Variants in CYP11B2 observed in about 807,000 individuals in gnomAD.
CYP11B2 encodes the protein cytochrome P450 11B2, mitochondrial.
Under a neutral mutation model 49.3 loss-of-function variants are expected in CYP11B2, and 38 were observed. The ratio of observed to expected loss-of-function variants is 0.77; its 90% CI spans 0.59 to 1.01. The LOEUF (loss-of-function observed/expected upper bound fraction) is 1.01. Ranked by LOEUF, CYP11B2 falls within the 50% of genes least tolerant of loss-of-function variation. CYP11B2 has a pLI of 0.00. For synonymous variants in CYP11B2, 290 were observed against 269.3 expected, an observed-to-expected ratio of 1.08 and a Z score of -0.75; for missense variants, 669 against 655.5, an observed-to-expected ratio of 1.02 and a Z score of -0.23.
rs1563879441 is a variant in CYP11B2, at chr8:142,912,070, CT to C, written c.1421del (p.Glu474GlyfsTer3). 1.2e-6 allele frequency: 2 copies of C among 1,614,056 alleles called. No individual in the cohort carries two copies. The highest frequency in any genetic ancestry group is 1.7e-6 in the Non-Finnish European group (2 of 1,179,978). On this transcript the variant is annotated frameshift_variant, in exon 9 of 9. Transcript: ENST00000323110. LOFTEE classifies it low-confidence loss of function (END_TRUNC). ...LHHVLKHFLV[E>X]TLTQEDIKMV... ...TCTTTATGTCCTCTTGAGTTAGTGT[CT>C]CCACCAGGAAGTGCTTCAGCACCTA...
rs1026168746 is a variant in CYP11B2 at position 142,910,854 on chromosome 8, G to A, written c.*1126C>T. On this transcript the variant is annotated 3_prime_UTR_variant, in exon 9 of 9. Transcript: ENST00000323110. This position sits in a 1 kb window ranked among gnomAD's most constrained non-coding sequence, Gnocchi z 4.6. The stretch of plus-strand genomic sequence containing the variant: ...ACGCTCTGATCCTCATCAGCTACCA[G>A]GAGCTGGCTGCTGAGATCTTTGCCC... The A allele has an allele frequency of 2.6e-5, 4 of 152,244 alleles. No homozygotes were observed. Among genetic ancestry groups the A allele is most frequent in the Non-Finnish European group, 4.4e-5 (3 of 68,068 alleles). The allele number at this position is 152,244 out of a possible 1,614,324, so 9.4% of individuals were successfully genotyped here.
chr8:142,912,136 C>T (rs757078742), intron 8 of CYP11B2, 43 bp from the exon 9 acceptor site: 4 of 1,613,318 alleles, frequency 2.5e-6, no homozygotes, highest in Middle Eastern at 1.7e-4. Flanking sequence ...GTCAGTAGCC[C>T]ATGGACCTGG....
At chr8:142,916,293 T>C (rs1648261323) in intron 2 of CYP11B2, 2 of 401,902 alleles carry the variant, frequency 5.0e-6, no homozygotes, top group African/African-American at 4.1e-5. Flanking sequence ...GACCCACGGG[T>C]GCCCTTTTAC....
intron 5 of CYP11B2, chr8:142,913,836 G>A (rs1363734505): frequency 1.3e-5 from 6 of 459,696 alleles, no homozygotes; most frequent in Admixed American, 7.6e-5. Flanking sequence ...CTGTGCTGCT[G>A]TCTTCCCCAC....
At chr8:142,913,490 G>C (rs1236402394) in intron 5 of CYP11B2, 39 bp from the exon 6 acceptor site, 1 of 1,613,568 alleles carries the variant, frequency 6.2e-7, no homozygotes, top group Non-Finnish European at 8.5e-7. Flanking sequence ...CCTTGCACAG[G>C]AGGACTCAGC....
rs5315 is a variant in CYP11B2, at chr8:142,912,720, A to G, written c.1208T>C (p.Val403Ala). The part of the protein sequence containing the change: ...QNYHIPAGTL[V>A]QVFLYSLGRN... ...ACCCAGCGAGTAGAGGAAAACCTGTACCAATGTCTGCGGACGGTGCAGAGC... is the reference window on the plus strand; with the variant it reads ...ACCCAGCGAGTAGAGGAAAACCTGTGCCAATGTCTGCGGACGGTGCAGAGC... Residue 403 changes from valine (V) to alanine (A), a missense_variant, in exon 8 of 9, where the codon GTA becomes GCA. Physicochemically the swap from Val to Ala is moderately conservative, Grantham distance 64. Coordinates refer to ENST00000323110, the MANE Select transcript of CYP11B2 (RefSeq NM_000498.3). The G allele has an allele frequency of 1.9e-6, 3 of 1,613,864 alleles. No homozygotes were observed. The highest frequency in any genetic ancestry group is 2.2e-5 in the East Asian group (1 of 44,894).
At chr8:142,916,286 C>T (rs1817644172) in intron 2 of CYP11B2, 2 of 399,982 alleles carry the variant, frequency 5.0e-6, no homozygotes. Flanking sequence ...AGGCCCCGAC[C>T]CACGGGTGCC....
Position 142,917,085 on chromosome 8 carries a change from A to T in CYP11B2, c.369T>A (p.Arg123=), listed in dbSNP as rs751545446. 26 of 1,614,034 alleles carry T rather than the reference A, an allele frequency of 1.6e-5. No homozygotes were observed. The highest frequency in any genetic ancestry group is 3.3e-5 in the Admixed American group (2 of 60,004). Residue 123 remains arginine, a synonymous_variant, in exon 2 of 9, where the codon CGT becomes CGA. Coordinates refer to ENST00000323110, the MANE Select transcript of CYP11B2 (RefSeq NM_000498.3). ...ACAAGAACACGCCACATTTGTGCCC[A>T]CGATGTTGTCTGTAGGCCACCCAGG... is the stretch of plus-strand genomic sequence containing the variant. ...LEPWVAYRQH[R]GHKCGVFLLN...
At position 142,912,103 on chromosome 8, in the gene CYP11B2, A is replaced by G. The variant is rs377590114; in HGVS notation, c.1399-10T>C. 6.2e-7 allele frequency: 1 copy of G among 1,613,972 alleles called. No individual in the cohort carries two copies. Among genetic ancestry groups the G allele is most frequent in the African/African-American group, 1.3e-5 (1 of 75,000 alleles). On this transcript the variant is annotated splice_polypyrimidine_tract_variant and intron_variant, in intron 8 of 8. Transcript: ENST00000323110. ...GGAAGTGCTTCAGCACCTAGGACAG[A>G]GGCTGGGTTTCCATCTGGCCTGGTC...
chr8:142,912,405 A>T lies in CYP11B2; in HGVS notation c.1398+125T>A. 2.7e-6 allele frequency: 3 copies of T among 1,117,236 alleles called. No individual in the cohort carries two copies. The Admixed American group carries it at 6.0e-5, about 22-fold the overall frequency. The allele number at this position is 1,117,236 out of a possible 1,614,324, so 69.2% of individuals were successfully genotyped here. On this transcript the variant is annotated intron_variant, in intron 8 of 8. Coordinates refer to ENST00000323110, the MANE Select transcript of CYP11B2 (RefSeq NM_000498.3). ...GCACAGATCCTCCCTGGTCACGCCG[A>T]CCTCAACCAACCAAGGCCCCATCCA...
In CYP11B2 at chr8:142,917,685, C is replaced by T; in HGVS notation, c.156G>A (p.Leu52=). The part of the protein sequence containing the change: ...PQHPGNRWLR[L]LQIWREQGYE... ...AACCCTGCTCCCTCCAGATCTGCAG[C>T]AGCCTCAGCCACCTGTTGCCTGGAT... Residue 52 remains leucine (L), a synonymous_variant, in exon 1 of 9, where the codon CTG becomes CTA. Coordinates refer to ENST00000323110, the MANE Select transcript of CYP11B2 (RefSeq NM_000498.3). The T allele has an allele frequency of 1.2e-6, 2 of 1,614,264 alleles. No individual in the cohort carries two copies. The highest frequency in any genetic ancestry group is 1.7e-6 in the Non-Finnish European group (2 of 1,180,054).
chr8:142,913,403 C>T lies in CYP11B2; in HGVS notation c.1003G>A (p.Asp335Asn), dbSNP rs377560888. 1.0e-4 allele frequency: 168 copies of T among 1,613,926 alleles called. No homozygotes were observed. Among genetic ancestry groups the T allele is most frequent in the East Asian group, 4.0e-4 (18 of 44,858 alleles). The change falls in exon 6 of 9, where the codon GAC becomes AAC. Residue 335 changes from aspartate to asparagine, a missense_variant. Physicochemically the swap from Asp to Asn is conservative, Grantham distance 23. Coordinates refer to ENST00000323110, the MANE Select transcript of CYP11B2 (RefSeq NM_000498.3). Reference protein sequence around the residue: ...MTLFELARNPDVQQILRQESL... With the variant: ...MTLFELARNPNVQQILRQESL... ...TCCTGGCGCAGGATCTGCTGCACGT[C>T]GGGGTTCCGAGCCAGCTCAAAGAGC...
rs1021038658 is a variant in CYP11B2 at position 142,912,573 on chromosome 8, C to A, written c.1355G>T (p.Gly452Val). The A allele has an allele frequency of 6.2e-7, 1 of 1,614,148 alleles. No homozygotes were observed. The highest frequency in any genetic ancestry group is 2.2e-5 in the East Asian group (1 of 44,874). ...PFGFGMRQCLGRRLAEAEMLL... is the reference protein window; with the variant it reads ...PFGFGMRQCLVRRLAEAEMLL... Reference sequence around the variant, plus strand: ...CATCTCTGCCTCTGCCAGGCGCCGCCCGAGGCACTGGCGCATGCCAAAGCC... The same window carrying A: ...CATCTCTGCCTCTGCCAGGCGCCGCACGAGGCACTGGCGCATGCCAAAGCC... Residue 452 changes from glycine to valine, a missense_variant, in exon 8 of 9, where the codon GGG (glycine) becomes GTG (valine). By Grantham distance (109) the Gly-to-Val change is moderately radical. Transcript: ENST00000323110.
In CYP11B2 at chr8:142,912,663, C is replaced by A. The variant is rs776680043; in HGVS notation, c.1265G>T (p.Arg422Leu). ...GTCTAGCCAGCGCTGGGGATTATAC[C>A]GCTCAGGCCTCGGGAACAAGGCGGC... Reference protein sequence around the residue: ...RNAALFPRPERYNPQRWLDIR... With the variant: ...RNAALFPRPELYNPQRWLDIR... The change falls in exon 8 of 9, where the codon CGG becomes CTG. Residue 422 changes from arginine (R) to leucine (L), a missense_variant. Physicochemically the swap from Arg to Leu is moderately radical, Grantham distance 102. Coordinates refer to ENST00000323110, the MANE Select transcript of CYP11B2 (RefSeq NM_000498.3). 4 of 1,614,132 alleles carry A rather than the reference C, an allele frequency of 2.5e-6. 1 individual carries two copies. Among genetic ancestry groups the A allele is most frequent in the Admixed American group, 3.3e-5 (2 of 60,034 alleles).
rs775312589 is a variant in CYP11B2, at chr8:142,915,188, G to T, written c.453C>A (p.Pro151=). Residue 151 remains proline, a synonymous_variant, in exon 3 of 9, where the codon CCC becomes CCA. Transcript: ENST00000323110. ...TCGGGAGGAACCTCTGCACGGCCTT[G>T]GGCGACAGCACATCTGGGTTCAGCC... ...RLRLNPDVLS[P]KAVQRFLPMV... The T allele has an allele frequency of 3.1e-6, 5 of 1,614,190 alleles. No homozygotes were observed. The highest frequency in any genetic ancestry group is 4.2e-6 in the Non-Finnish European group (5 of 1,180,012).
intron 4 of CYP11B2, 54 bp from the exon 5 acceptor site, chr8:142,914,472 C>A: frequency 6.5e-7 from 1 of 1,527,952 alleles, no homozygotes. Context: ...AAGCATCCTT[C>A]AGTGTCCTCC....
At chr8:142,913,537 G>T (rs1817580138) in intron 5 of CYP11B2, 86 bp from the exon 6 acceptor site, 40 of 1,527,670 alleles carry the variant, frequency 2.6e-5, no homozygotes, top group South Asian at 4.5e-5. Flanking sequence ...CTCCCTCTGA[G>T]GGGTGGAGAC....
Position 142,914,252 on chromosome 8 carries a change from T to G in CYP11B2, c.954+12A>C, listed in dbSNP as rs1817595395. ...ATCACCCTCTCTGGGTGGGGCTGGT[T>G]GCTGGCCTGACCGTGTCCACGCTCC... On this transcript the variant is annotated intron_variant, in intron 5 of 8. Coordinates refer to ENST00000323110, the MANE Select transcript of CYP11B2 (RefSeq NM_000498.3). 6.2e-7 allele frequency: 1 copy of G among 1,613,922 alleles called. No individual in the cohort carries two copies. Among genetic ancestry groups the G allele is most frequent in the African/African-American group, 1.3e-5 (1 of 74,924 alleles).
intron 2 of CYP11B2, among the ~76,000 whole-genome samples, chr8:142,916,734 T>C (rs544930070): frequency 6.6e-6 from 1 of 152,172 alleles, no homozygotes; most frequent in Non-Finnish European, 1.5e-5. Flanking sequence ...TTCTGACCTA[T>C]GGGAAGGACA....
Sources: allele counts gnomAD v4.1 joint callset (sites outside exome capture counted in the v4.1 genomes callset), GRCh38; gene constraint gnomAD v4.1.1; non-coding constraint Gnocchi (gnomAD v3.1); transcripts MANE v1.5; gene names NCBI Gene and HGNC (gene_info 2026-07-23, HGNC 2026-07-21).